Variants in PREX1 observed in about 807,000 individuals in gnomAD.
PREX1 encodes the protein phosphatidylinositol-3,4,5-trisphosphate dependent Rac exchange factor 1.
A neutral mutation model predicts 198.3 loss-of-function variants in PREX1; 41 were observed. That is an observed-to-expected ratio of 0.21 (90% CI 0.16 to 0.27). The LOEUF (loss-of-function observed/expected upper bound fraction) is 0.27, where lower values mean the gene tolerates loss of function less well. Among genes scored for constraint, PREX1 ranks in the 10% least tolerant of loss-of-function variants. The pLI, the probability that PREX1 is intolerant of heterozygous loss-of-function variation, is 1.00. For missense variants in PREX1, 1,620 were observed against 2,200.7 expected (o/e 0.74, Z 5.28); for synonymous variants, 843 against 887.2 (o/e 0.95, Z 0.89).
chr20:48,627,774 C>T, intron 38 of PREX1, 87 bp downstream of exon 38: 1 of 1,425,322 alleles, frequency 7.0e-7, no homozygotes, highest in Non-Finnish European at 9.6e-7. Flanking sequence ...GGGCTGGTGG[C>T]TACCAGCCCC....
chr20:48,828,537 T>C (rs997423014), upstream of PREX1, among the ~76,000 whole-genome samples: 4 of 150,098 alleles, frequency 2.7e-5, no homozygotes, highest in African/African-American at 7.3e-5. Flanking sequence ...GCCTGGGCAG[T>C]GACGGCCCCT....
chr20:48,822,574 A>C (rs1237398252), intron 1 of PREX1, among the ~76,000 whole-genome samples: 4 of 152,240 alleles, frequency 2.6e-5, no homozygotes, highest in African/African-American at 9.6e-5. Flanking sequence ...CTGTTGCATT[A>C]ATCTAATAAC....
Position 48,692,706 on chromosome 20 carries a change from T to C in PREX1, c.1002A>G (p.Glu334=). 1 of 1,614,126 alleles carries C rather than the reference T, an allele frequency of 6.2e-7. No homozygotes were observed. Among genetic ancestry groups the C allele is most frequent in the Non-Finnish European group, 8.5e-7 (1 of 1,180,008 alleles). ...CTTCCACATTCTCCACCTCCATGAC[T>C]TCAGTGTTGATTCGACCCCTGAAGA... ...LYIFRGRINT[E]VMEVENVEDG... is the part of the protein sequence containing the mutation. The change falls in exon 8 of 40, where the codon GAA becomes GAG. Residue 334 remains glutamate (E), a synonymous_variant. Coordinates refer to ENST00000371941, the MANE Select transcript of PREX1 (RefSeq NM_020820.4).
At chr20:48,867,238 C>T in the PREX1 span, among the ~76,000 whole-genome samples, 1 of 152,140 alleles carries the variant, frequency 6.6e-6, no homozygotes, top group Non-Finnish European at 1.5e-5. Flanking sequence ...GCCTGCAAGC[C>T]AATCCACTTC....
intron 1 of PREX1, among the ~76,000 whole-genome samples, chr20:48,784,208 G>C (rs972210600): frequency 6.6e-6 from 1 of 152,150 alleles, no homozygotes; most frequent in Non-Finnish European, 1.5e-5. Flanking sequence ...ACGGGCTCCA[G>C]GGGTTTTGCA....
At chr20:48,778,609 T>C (rs539317959) in intron 1 of PREX1, among the ~76,000 whole-genome samples, 39 of 151,474 alleles carry the variant, frequency 2.6e-4, no homozygotes, top group Non-Finnish European at 4.0e-4. Context: ...AAAGGAACTA[T>C]TATAAAGTTA....
intron 1 of PREX1, among the ~76,000 whole-genome samples, chr20:48,756,054 G>A (rs1201563594): frequency 6.6e-6 from 1 of 152,188 alleles, no homozygotes; most frequent in African/African-American, 2.4e-5. Context: ...GGAAGGCAGT[G>A]CCCGCCAGTG....
intron 1 of PREX1, among the ~76,000 whole-genome samples, chr20:48,789,259 T>C (rs947041271): frequency 1.1e-4 from 17 of 152,226 alleles, no homozygotes; most frequent in African/African-American, 4.1e-4. Context: ...CAGTGCGATC[T>C]ACCATCTGCT....
chr20:48,658,349 A>G, intron 16 of PREX1, 121 bp from the exon 17 acceptor site: 1 of 964,182 alleles, frequency 1.0e-6, no homozygotes, highest in Non-Finnish European at 1.6e-6. Flanking sequence ...GGCCAGATCC[A>G]GGTGGGCGAG....
In PREX1 at chr20:48,692,656, C is replaced by G; in HGVS notation, c.1036+16G>C. 3 of 1,605,458 alleles carry G rather than the reference C, an allele frequency of 1.9e-6. No homozygotes were observed. The highest frequency in any genetic ancestry group is 2.6e-6 in the Non-Finnish European group (3 of 1,172,362). ...GGGCTCAGGCAGGGCTCAGGCAAGG[C>G]TGGGGGAGGGGCTACCTGTCCCATC... On this transcript the variant is annotated intron_variant, in intron 8 of 39. Coordinates refer to ENST00000371941, the MANE Select transcript of PREX1 (RefSeq NM_020820.4).
At chr20:48,790,482 A>G (rs531260628) in intron 1 of PREX1, among the ~76,000 whole-genome samples, 3 of 152,270 alleles carry the variant, frequency 2.0e-5, no homozygotes, top group Admixed American at 2.0e-4. Context: ...TTAACAGGGA[A>G]AAAAAGTCTT....
At chr20:48,870,442 G>A in the PREX1 span, among the ~76,000 whole-genome samples, 129 of 152,272 alleles carry the variant, frequency 8.5e-4, 4 homozygotes, top group East Asian at 0.013. Context: ...CACCTGATCC[G>A]CTTCCCAGCT....
At chr20:48,636,741 C>A in intron 31 of PREX1, 58 bp from the exon 32 acceptor site, 2 of 1,468,090 alleles carry the variant, frequency 1.4e-6, no homozygotes, top group Non-Finnish European at 1.8e-6. Context: ...ACCAGGAGGC[C>A]CACCCCCCAA....
chr20:48,692,309 T>C (rs539268592), intron 8 of PREX1: 1 of 203,422 alleles, frequency 4.9e-6, no homozygotes, highest in South Asian at 8.6e-5. Context: ...TATGTAATCA[T>C]GTAACCACTT....
At position 48,681,422 on chromosome 20, in the gene PREX1, C is replaced by T. The variant is rs6090891; in HGVS notation, c.1335-87G>A. On this transcript the variant is annotated intron_variant, in intron 10 of 39. Coordinates refer to ENST00000371941, the MANE Select transcript of PREX1 (RefSeq NM_020820.4). ...CACTAAGCTGGCCTGGCCACATCCA[C>T]CCCTGGGAATGACAGCTAGAACTTC... The T allele has an allele frequency of 5.4e-5, 70 of 1,288,780 alleles. No individual in the cohort carries two copies. The African/African-American group carries it at 8.4e-4, about 16-fold the overall frequency. The allele number at this position is 1,288,780 out of a possible 1,614,324, so 79.8% of individuals were successfully genotyped here.
chr20:48,654,976 C>A (rs117107707), intron 19 of PREX1, among the ~76,000 whole-genome samples: 1,550 of 152,308 alleles, frequency 0.01, 15 homozygotes, highest in Non-Finnish European at 0.016. Context: ...GAGAGTGGAC[C>A]CACATTCCTG....
the PREX1 span, among the ~76,000 whole-genome samples, chr20:48,868,283 C>G: frequency 3.3e-5 from 5 of 152,104 alleles, no homozygotes. Context: ...CTGCTTTTGC[C>G]TGCAGGAATG....
At chr20:48,808,501 G>A (rs113548422) in intron 1 of PREX1, among the ~76,000 whole-genome samples, 8,468 of 152,228 alleles carry the variant, frequency 0.056, 311 homozygotes, top group African/African-American at 0.094. Context: ...TCTCCTGCCC[G>A]GGCTGCTGTG....
intron 5 of PREX1, among the ~76,000 whole-genome samples, chr20:48,725,212 C>G (rs1041158516): frequency 6.6e-6 from 1 of 152,222 alleles, no homozygotes; most frequent in Admixed American, 6.5e-5. Flanking sequence ...CCCCTGTGAG[C>G]AGGTGCGTGA....
Sources: gnomAD v4.1 joint callset for allele counts (sites outside exome capture counted in the v4.1 genomes callset) on GRCh38, gnomAD v4.1.1 for gene constraint, MANE v1.5 for transcripts, NCBI Gene and HGNC (gene_info 2026-07-23, HGNC 2026-07-21) for gene names.